The following PIK3AP1 variants were observed in gnomAD, a reference collection of about 807,000 sequenced individuals.
The protein encoded by PIK3AP1 is phosphoinositide-3-kinase adaptor protein 1, also known as phosphoinositide 3-kinase adapter protein 1.
In PIK3AP1, 21 loss-of-function variants were observed where a neutral mutation model predicts 88.1. The observed-to-expected ratio is 0.24, with a 90% CI of 0.17 to 0.34. The LOEUF is 0.34. Among genes scored for constraint, PIK3AP1 ranks in the 10% least tolerant of loss-of-function variants. The pLI is 1.00. For synonymous variants in PIK3AP1, 398 were observed against 400.0 expected, an observed-to-expected ratio of 1.00 and a Z score of 0.06; for missense variants, 828 against 1,035.7, an observed-to-expected ratio of 0.80 and a Z score of 2.75.
chr10:96,655,519 A>C (rs1255953125), intron 3 of PIK3AP1, among the ~76,000 whole-genome samples: 1 of 152,076 alleles, frequency 6.6e-6, no homozygotes, highest in East Asian at 1.9e-4. Context: ...AAAATAAATA[A>C]ATAAACACTG....
chr10:96,612,978 ATATATTTTTTTTTTTTTTTTTT>A (rs1849148334), intron 13 of PIK3AP1, among the ~76,000 whole-genome samples: 220 of 46,908 alleles, frequency 4.7e-3, no homozygotes, highest in South Asian at 0.02. Flanking sequence ...ATATATATAT[ATATATTTTTTTTTTTTTTTTTT>A]TTTTTTTTTT....
At chr10:96,712,384 A>C (rs922273215) in intron 1 of PIK3AP1, among the ~76,000 whole-genome samples, 1 of 152,206 alleles carries the variant, frequency 6.6e-6, no homozygotes, top group Non-Finnish European at 1.5e-5. Context: ...CTTTTCAGGA[A>C]TGCCTACCCT....
At chr10:96,647,418 A>T (rs1189326276) in intron 7 of PIK3AP1, among the ~76,000 whole-genome samples, 1 of 152,250 alleles carries the variant, frequency 6.6e-6, no homozygotes, top group Non-Finnish European at 1.5e-5. Flanking sequence ...AATCAAATAC[A>T]TTCAATAAAT....
intron 9 of PIK3AP1, among the ~76,000 whole-genome samples, chr10:96,627,628 G>A (rs879427278): frequency 6.6e-6 from 1 of 152,096 alleles, no homozygotes; most frequent in Non-Finnish European, 1.5e-5. Flanking sequence ...TTAGCACTCT[G>A]CTTTCTATAT....
intron 15 of PIK3AP1, among the ~76,000 whole-genome samples, chr10:96,603,408 C>T (rs1262361840): frequency 1.3e-5 from 2 of 152,130 alleles, no homozygotes; most frequent in African/African-American, 4.8e-5. Flanking sequence ...AGTCAGTGGG[C>T]TGGGGAAGGC....
chr10:96,700,128 T>C (rs1440915861), intron 2 of PIK3AP1, among the ~76,000 whole-genome samples: 1 of 152,196 alleles, frequency 6.6e-6, no homozygotes, highest in Non-Finnish European at 1.5e-5. Context: ...TGACTCCCTT[T>C]TCCCCGTGGC....
intron 2 of PIK3AP1, among the ~76,000 whole-genome samples, chr10:96,674,237 T>A (rs1329357189): frequency 6.6e-6 from 1 of 152,218 alleles, no homozygotes; most frequent in Non-Finnish European, 1.5e-5. Flanking sequence ...TATTCTACAG[T>A]ATTTCCTAGC....
chr10:96,696,776 A>G (rs1008463910), intron 2 of PIK3AP1, among the ~76,000 whole-genome samples: 1 of 152,264 alleles, frequency 6.6e-6, no homozygotes, highest in African/African-American at 2.4e-5. Context: ...GCTAATGTCC[A>G]TAAACAGAAA....
chr10:96,698,232 CAACT>C (rs558338725), intron 2 of PIK3AP1, among the ~76,000 whole-genome samples: 14 of 152,066 alleles, frequency 9.2e-5, no homozygotes, highest in Non-Finnish European at 1.6e-4. Flanking sequence ...AATTTTGTCT[CAACT>C]AACACTGTAT....
intron 8 of PIK3AP1, among the ~76,000 whole-genome samples, chr10:96,635,944 AC>A (rs1355960229): frequency 6.6e-6 from 1 of 151,898 alleles, no homozygotes; most frequent in Non-Finnish European, 1.5e-5. Context: ...ACGGTGGCTC[AC>A]GCCTGTAATC....
At chr10:96,666,315 A>G (rs1843760861) in intron 2 of PIK3AP1, among the ~76,000 whole-genome samples, 1 of 152,116 alleles carries the variant, frequency 6.6e-6, no homozygotes, top group Non-Finnish European at 1.5e-5. Context: ...GCTACTCGGG[A>G]GGCTGAGGCA....
intron 1 of PIK3AP1, among the ~76,000 whole-genome samples, chr10:96,713,368 G>C (rs1844462518): frequency 6.6e-6 from 1 of 151,784 alleles, no homozygotes; most frequent in African/African-American, 2.4e-5. Context: ...GCCGGGTGTT[G>C]TGGCAGGCAC....
rs1180016105 is a variant in PIK3AP1, at chr10:96,700,934, C to CT, written c.430+8632dup. Reference sequence around the variant, plus strand: ...CCAGGCTCTGAGCCCCTTGGGACTACTGTGCCCATAACAGCCCATAATAGC... The same window carrying CT: ...CCAGGCTCTGAGCCCCTTGGGACTACTTGTGCCCATAACAGCCCATAATAGC... On this transcript the variant is annotated intron_variant, in intron 2 of 16. Coordinates refer to ENST00000339364, the MANE Select transcript of PIK3AP1 (RefSeq NM_152309.3). 3.3e-6 allele frequency: 3 copies of CT among 903,912 alleles called. No homozygotes were observed. The African/African-American group carries it at 9.2e-5, about 28-fold the overall frequency. The allele number at this position is 903,912 out of a possible 1,614,324, so 56.0% of individuals were successfully genotyped here.
chr10:96,689,622 C>T (rs1181008711), intron 2 of PIK3AP1, among the ~76,000 whole-genome samples: 8 of 151,054 alleles, frequency 5.3e-5, no homozygotes, highest in Admixed American at 6.6e-5. Context: ...AAAATCCAAT[C>T]CTTTCTTTCA....
At chr10:96,642,425 CAAAAAAAA>C (rs34912752) in intron 8 of PIK3AP1, among the ~76,000 whole-genome samples, 1 of 98,964 alleles carries the variant, frequency 1.0e-5, no homozygotes, top group African/African-American at 3.7e-5. Context: ...GATGTTGTCT[CAAAAAAAA>C]AAAAAAAAAA....
chr10:96,596,295 C>T (rs372902935), intron 16 of PIK3AP1, among the ~76,000 whole-genome samples: 17 of 152,160 alleles, frequency 1.1e-4, no homozygotes, highest in East Asian at 7.7e-4. Context: ...CCTGTTTTGT[C>T]CCATGGAAAC....
At chr10:96,624,263 T>C (rs1381294762) in intron 10 of PIK3AP1, among the ~76,000 whole-genome samples, 1 of 152,246 alleles carries the variant, frequency 6.6e-6, no homozygotes, top group Non-Finnish European at 1.5e-5. Flanking sequence ...GTGTGGCCCA[T>C]GTAAACACTC....
chr10:96,602,743 C>T (rs1345398538), intron 15 of PIK3AP1, among the ~76,000 whole-genome samples: 1 of 152,162 alleles, frequency 6.6e-6, no homozygotes, highest in East Asian at 1.9e-4. Flanking sequence ...TGGCAGTGAC[C>T]CATGTGGCCC....
At chr10:96,642,968 T>A (rs1317880672) in intron 8 of PIK3AP1, among the ~76,000 whole-genome samples, 1 of 152,208 alleles carries the variant, frequency 6.6e-6, no homozygotes, top group Non-Finnish European at 1.5e-5. Context: ...AGTCTCCAGA[T>A]TCAAGTGGGT....
Sources: allele counts gnomAD v4.1 joint callset (sites outside exome capture counted in the v4.1 genomes callset), GRCh38; gene constraint gnomAD v4.1.1; transcripts MANE v1.5; gene names NCBI Gene and HGNC (gene_info 2026-07-23, HGNC 2026-07-21).